CNTN4: variants seen among roughly 807,000 people sequenced by gnomAD.
CNTN4 encodes the protein contactin 4.
In CNTN4, 77 loss-of-function variants were observed where a neutral mutation model predicts 122.5. That is an observed-to-expected ratio of 0.63 (90% CI 0.52 to 0.76). The LOEUF is 0.76. Ranked by LOEUF, CNTN4 falls within the 30% of genes least tolerant of loss-of-function variation. CNTN4 has a pLI of 0.00. For missense variants in CNTN4, 1,256 were observed against 1,259.1 expected, an observed-to-expected ratio of 1.00 and a Z score of 0.04; for synonymous variants, 512 against 447.0, an observed-to-expected ratio of 1.15 and a Z score of -1.83.
Position 2,875,325 on chromosome 3 carries a change from C to T in CNTN4, c.653-7820C>T, listed in dbSNP as rs186071383. ...AATCACATTATCTAATTAGTTGTTG[C>T]TTATATATGGAAGGTACTGTTATTC... On this transcript the variant is annotated intron_variant, in intron 8 of 24. Coordinates refer to ENST00000418658, the MANE Select transcript of CNTN4 (RefSeq NM_175607.3). Among the ~76,000 whole-genome samples the T allele has an allele frequency of 5.8e-4, 89 of 152,198 alleles. No individual in the cohort carries two copies. In the East Asian group the frequency reaches 0.016, roughly 27 times the overall value.
intron 3 of CNTN4, among the ~76,000 whole-genome samples, chr3:2,517,452 G>A (rs949641622): frequency 6.6e-6 from 1 of 152,066 alleles, no homozygotes. Flanking sequence ...CCTAGGAGAT[G>A]GTGTGAGAAG....
intron 2 of CNTN4, among the ~76,000 whole-genome samples, chr3:2,163,045 G>A (rs2036033192): frequency 6.6e-6 from 1 of 152,248 alleles, no homozygotes; most frequent in African/African-American, 2.4e-5. Flanking sequence ...TGCAGTGAGC[G>A]AAGGTCATGC....
chr3:2,646,121 A>C (rs764001872), intron 4 of CNTN4, among the ~76,000 whole-genome samples: 2 of 152,204 alleles, frequency 1.3e-5, no homozygotes, highest in African/African-American at 2.4e-5. Flanking sequence ...AAACCAAAAG[A>C]GAAAAATATG....
At chr3:2,614,686 A>T (rs2081638130) in intron 4 of CNTN4, among the ~76,000 whole-genome samples, 1 of 152,110 alleles carries the variant, frequency 6.6e-6, no homozygotes, top group South Asian at 2.1e-4. Flanking sequence ...AAGCAGGTTC[A>T]CTGAGGAGAG....
chr3:2,149,249 A>G (rs1178943198), intron 2 of CNTN4, among the ~76,000 whole-genome samples: 1 of 152,120 alleles, frequency 6.6e-6, no homozygotes. Flanking sequence ...GACTGCTAAT[A>G]TTGTAGAAAT....
intron 3 of CNTN4, among the ~76,000 whole-genome samples, chr3:2,430,327 C>A (rs1050209535): frequency 6.7e-6 from 1 of 150,034 alleles, no homozygotes; most frequent in Non-Finnish European, 1.5e-5. Flanking sequence ...GAGGCTGAGG[C>A]AGGAGAATGG....
intron 3 of CNTN4, among the ~76,000 whole-genome samples, chr3:2,501,631 C>T (rs1223853121): frequency 6.6e-6 from 1 of 152,156 alleles, no homozygotes; most frequent in Non-Finnish European, 1.5e-5. Flanking sequence ...GTCATATTAC[C>T]TTCTGTACCT....
chr3:2,430,575 T>C (rs1462899006), intron 3 of CNTN4, among the ~76,000 whole-genome samples: 1 of 151,006 alleles, frequency 6.6e-6, no homozygotes, highest in African/African-American at 2.4e-5. Context: ...TTTTAATAAA[T>C]TTTTTGTTTG....
At chr3:2,501,086 C>G (rs982693038) in intron 3 of CNTN4, among the ~76,000 whole-genome samples, 1 of 152,110 alleles carries the variant, frequency 6.6e-6, no homozygotes, top group African/African-American at 2.4e-5. Context: ...CTGTTTGCTC[C>G]TGATGATGGT....
At chr3:2,636,588 C>G (rs1475058155) in intron 4 of CNTN4, among the ~76,000 whole-genome samples, 1 of 152,090 alleles carries the variant, frequency 6.6e-6, no homozygotes, top group Non-Finnish European at 1.5e-5. Flanking sequence ...CCAAACTTCC[C>G]AACCCAAACT....
At chr3:2,817,419 C>G (rs922421906) in intron 6 of CNTN4, among the ~76,000 whole-genome samples, 3 of 152,198 alleles carry the variant, frequency 2.0e-5, no homozygotes, top group Admixed American at 6.5e-5. Context: ...GGTTTATCAT[C>G]TGGAATCTAT....
At chr3:2,912,922 C>T (rs1300445564) in intron 12 of CNTN4, among the ~76,000 whole-genome samples, 1 of 152,208 alleles carries the variant, frequency 6.6e-6, no homozygotes, top group Non-Finnish European at 1.5e-5. Context: ...GAGGCTGAGA[C>T]AGGCACATCA....
At chr3:2,975,973 A>C (rs1693378742) in intron 13 of CNTN4, among the ~76,000 whole-genome samples, 1 of 152,232 alleles carries the variant, frequency 6.6e-6, no homozygotes. Flanking sequence ...ATATTAGTGG[A>C]AACATGGAGA....
At chr3:2,360,003 T>C (rs1486968926) in intron 3 of CNTN4, among the ~76,000 whole-genome samples, 1 of 152,176 alleles carries the variant, frequency 6.6e-6, no homozygotes, top group Admixed American at 6.5e-5. Flanking sequence ...TTATTCGTCT[T>C]AATCTACAGA....
Position 3,004,525 on chromosome 3 carries a change from T to A in CNTN4, c.1486+16053T>A, listed in dbSNP as rs1696414727. Among the ~76,000 whole-genome samples the A allele has an allele frequency of 2.6e-5, 4 of 152,198 alleles. No individual in the cohort carries two copies. In the South Asian group the frequency reaches 8.3e-4, roughly 32 times the overall value. The stretch of plus-strand genomic sequence containing the variant: ...GTCCATCTGTTCCCTTTTCTTCTAA[T>A]GTATTATAGAGGGAAGAATATAGGC... On this transcript the variant is annotated intron_variant, in intron 14 of 24. Transcript: ENST00000418658.
chr3:2,171,525 C>G (rs1559309496), intron 2 of CNTN4, among the ~76,000 whole-genome samples: 2 of 152,116 alleles, frequency 1.3e-5, no homozygotes, highest in Non-Finnish European at 2.9e-5. Context: ...GGTGAACAGT[C>G]ATTGCTTTAA....
intron 2 of CNTN4, among the ~76,000 whole-genome samples, chr3:2,313,652 T>C (rs1034964944): frequency 1.2e-4 from 18 of 152,010 alleles, no homozygotes; most frequent in Admixed American, 4.6e-4. Context: ...GCTCATACAG[T>C]CACTCCCAAC....
chr3:2,340,706 TATATAGAG>T (rs1157801206), intron 3 of CNTN4, among the ~76,000 whole-genome samples: 1 of 24,058 alleles, frequency 4.2e-5, no homozygotes, highest in African/African-American at 8.7e-5. Flanking sequence ...TATATATATA[TATATAGAG>T]AGAGAGAGAG....
At chr3:2,716,641 C>G (rs1346089060) in intron 4 of CNTN4, among the ~76,000 whole-genome samples, 4 of 152,040 alleles carry the variant, frequency 2.6e-5, no homozygotes, top group Admixed American at 6.5e-5. Context: ...TTAAATTTTA[C>G]CATTTTAGTA....
Sources: gnomAD v4.1 joint callset for allele counts (sites outside exome capture counted in the v4.1 genomes callset) on GRCh38, gnomAD v4.1.1 for gene constraint, MANE v1.5 for transcripts, NCBI Gene and HGNC (gene_info 2026-07-23, HGNC 2026-07-21) for gene names.